The following BICC1 variants were observed in gnomAD, a reference collection of about 807,000 sequenced individuals.
The protein encoded by BICC1 is protein bicaudal C homolog 1.
Under a neutral mutation model 111.0 loss-of-function variants are expected in BICC1, and 43 were observed. The observed-to-expected ratio is 0.39, with a 90% CI of 0.30 to 0.50. BICC1 has a LOEUF of 0.50. Among genes scored for constraint, BICC1 ranks in the 20% least tolerant of loss-of-function variants. The pLI is 0.88. For missense variants in BICC1, 1,091 were observed against 1,203.2 expected, an observed-to-expected ratio of 0.91 and a Z score of 1.38; for synonymous variants, 467 against 434.4, an observed-to-expected ratio of 1.07 and a Z score of -0.93.
At chr10:58,814,240 G>T in intron 18 of BICC1, 2 of 611,560 alleles carry the variant, frequency 3.3e-6, no homozygotes, top group Non-Finnish European at 2.9e-6. Flanking sequence ...CTACCTATCT[G>T]TATCTCCTTG....
intron 1 of BICC1, among the ~76,000 whole-genome samples, chr10:58,566,172 ATATACACACGTGTGTATATGTGTG>A (rs1843751154): frequency 6.6e-6 from 1 of 151,762 alleles, no homozygotes; most frequent in African/African-American, 2.4e-5. Context: ...GTATATATAC[ATATACACACGTGTGTATATGTGTG>A]TATACACATG....
chr10:58,674,840 AG>A (rs1839290989), intron 2 of BICC1, among the ~76,000 whole-genome samples: 3 of 152,202 alleles, frequency 2.0e-5, no homozygotes, highest in African/African-American at 7.2e-5. Flanking sequence ...AGTTATAAGT[AG>A]GGAGCTCTGA....
chr10:58,774,454 C>T (rs2132735493), intron 3 of BICC1, among the ~76,000 whole-genome samples: 1 of 152,276 alleles, frequency 6.6e-6, no homozygotes, highest in Middle Eastern at 3.4e-3. Flanking sequence ...GAATTGATCT[C>T]AGACTTTACA....
Position 58,540,014 on chromosome 10 carries a change from ACT to A in BICC1, c.190+26684_190+26685del, listed in dbSNP as rs1429498833. Among the ~76,000 whole-genome samples the A allele has an allele frequency of 7.9e-5, 12 of 151,986 alleles. 1 individual carries two copies. The highest frequency in any genetic ancestry group is 1.6e-4 in the Non-Finnish European group (11 of 67,922). On this transcript the variant is annotated intron_variant, in intron 1 of 20. Coordinates refer to ENST00000373886, the MANE Select transcript of BICC1 (RefSeq NM_001080512.3). Reference sequence around the variant, plus strand: ...CAAATATGTGGAAATTAAACAACACACTCTTGAATAATCAGTGGATCAAAGAT... The same window carrying A: ...CAAATATGTGGAAATTAAACAACACACTTGAATAATCAGTGGATCAAAGAT...
At chr10:58,820,056 C>T (rs1039326858) in intron 19 of BICC1, among the ~76,000 whole-genome samples, 6 of 152,102 alleles carry the variant, frequency 3.9e-5, no homozygotes, top group African/African-American at 1.4e-4. Context: ...AAATCCCAAC[C>T]TAAGAAATAT....
intron 2 of BICC1, among the ~76,000 whole-genome samples, chr10:58,655,321 A>T (rs1374570285): frequency 2.8e-5 from 4 of 140,616 alleles, no homozygotes; most frequent in African/African-American, 1.1e-4. Context: ...ATGAGCATGG[A>T]ATGTTCTTCA....
In BICC1 at chr10:58,580,782, C is replaced by A. The variant is rs570104290; in HGVS notation, c.191-40073C>A. Reference sequence around the variant, plus strand: ...GCAATATTTTTATTAAATTTGAAAACCTCAGTTACCAATGGACTGCAAACA... The same window carrying A: ...GCAATATTTTTATTAAATTTGAAAAACTCAGTTACCAATGGACTGCAAACA... On this transcript the variant is annotated intron_variant, in intron 1 of 20. Coordinates refer to ENST00000373886, the MANE Select transcript of BICC1 (RefSeq NM_001080512.3). 5.9e-5 allele frequency among the ~76,000 whole-genome samples: 9 copies of A among 152,240 alleles called. No homozygotes were observed. The East Asian group carries it at 1.7e-3, about 29-fold the overall frequency.
chr10:58,651,961 G>C (rs1838463117), intron 2 of BICC1, among the ~76,000 whole-genome samples: 1 of 151,952 alleles, frequency 6.6e-6, no homozygotes, highest in African/African-American at 2.4e-5. Flanking sequence ...AGACCTTGTT[G>C]GTATTAAAAT....
chr10:58,517,058 C>T (rs952623072), intron 1 of BICC1, among the ~76,000 whole-genome samples: 4 of 151,924 alleles, frequency 2.6e-5, no homozygotes, highest in Non-Finnish European at 4.4e-5. Context: ...TAAAAATTCC[C>T]ATATATAACA....
chr10:58,802,111 T>C (rs554863052), intron 14 of BICC1, among the ~76,000 whole-genome samples: 1 of 152,326 alleles, frequency 6.6e-6, no homozygotes, highest in African/African-American at 2.4e-5. Context: ...TGTCACACTC[T>C]GGCTTCAAAT....
intron 1 of BICC1, among the ~76,000 whole-genome samples, chr10:58,559,647 G>T (rs1843549736): frequency 6.6e-6 from 1 of 152,046 alleles, no homozygotes. Flanking sequence ...GGTAAAAGTG[G>T]ATATCCTTTT....
rs555506228 is a variant in BICC1, at chr10:58,703,491, G to T, written c.307+1348G>T. ...TACCTTCTTAATTGTTATCATGGGC[G>T]GCAAGGAATTGGGAACTTATATGCT... On this transcript the variant is annotated intron_variant, in intron 3 of 20. Transcript: ENST00000373886. Among the ~76,000 whole-genome samples, 11 of 152,142 alleles carry T rather than the reference G, an allele frequency of 7.2e-5. No homozygotes were observed. The East Asian group carries it at 1.9e-3, about 27-fold the overall frequency.
At chr10:58,649,698 T>C (rs1450483825) in intron 2 of BICC1, among the ~76,000 whole-genome samples, 1 of 152,214 alleles carries the variant, frequency 6.6e-6, no homozygotes, top group Non-Finnish European at 1.5e-5. Flanking sequence ...TTGATCCCTT[T>C]TTCCTCTGAA....
intron 2 of BICC1, among the ~76,000 whole-genome samples, chr10:58,623,419 T>G (rs16912430): frequency 0.02 from 3,069 of 152,246 alleles, 97 homozygotes; most frequent in African/African-American, 0.071. Context: ...TTTCCAGAGA[T>G]CTACCCAGTT....
chr10:58,532,905 T>C (rs1349285686), intron 1 of BICC1, among the ~76,000 whole-genome samples: 2 of 151,738 alleles, frequency 1.3e-5, no homozygotes, highest in Non-Finnish European at 2.9e-5. Flanking sequence ...GCCAGTACAA[T>C]CCTGAAGACA....
At position 58,800,312 on chromosome 10, in the gene BICC1, C is replaced by A; in HGVS notation, c.1844C>A (p.Ser615Ter). The change falls in exon 13 of 21, where the codon TCA (serine) becomes TAA (stop). Residue 615 changes from serine to a stop codon, truncating the protein, a stop_gained. Coordinates refer to ENST00000373886, the MANE Select transcript of BICC1 (RefSeq NM_001080512.3). LOFTEE classifies it high-confidence loss of function. ...GGGTCTGAGCAGACATCTCCCAAATCAAGCCCCACTGAAGGTCGGGAACTG... is the reference window on the plus strand; with the variant it reads ...GGGTCTGAGCAGACATCTCCCAAATAAAGCCCCACTGAAGGTCGGGAACTG... ...TSGSEQTSPKSSPTEGCNDAF... is the reference protein window; with the variant it reads ...TSGSEQTSPK 6.2e-7 allele frequency: 1 copy of A among 1,613,546 alleles called. No individual in the cohort carries two copies. The highest frequency in any genetic ancestry group is 8.5e-7 in the Non-Finnish European group (1 of 1,179,732).
chr10:58,768,586 T>TA (rs1792021183), intron 3 of BICC1, among the ~76,000 whole-genome samples: 1 of 152,172 alleles, frequency 6.6e-6, no homozygotes, highest in African/African-American at 2.4e-5. Flanking sequence ...GGTGTTTAAA[T>TA]TCATTTTAAC....
intron 1 of BICC1, among the ~76,000 whole-genome samples, chr10:58,551,119 T>C (rs573093731): frequency 2.6e-5 from 4 of 152,210 alleles, no homozygotes; most frequent in Non-Finnish European, 4.4e-5. Flanking sequence ...CTTCACTATT[T>C]CATAAAAGTT....
intron 9 of BICC1, among the ~76,000 whole-genome samples, chr10:58,794,937 TA>T (rs1843303188): frequency 1.3e-5 from 2 of 152,032 alleles, no homozygotes; most frequent in African/African-American, 4.8e-5. Flanking sequence ...TGGTGTTGAG[TA>T]AAAAAAGTAT....
Sources: allele counts gnomAD v4.1 joint callset (sites outside exome capture counted in the v4.1 genomes callset), GRCh38; gene constraint gnomAD v4.1.1; transcripts MANE v1.5; gene names NCBI Gene and HGNC (gene_info 2026-07-23, HGNC 2026-07-21).